Variants in ZNF277 observed in about 807,000 individuals in gnomAD.
ZNF277 encodes the protein zinc finger protein 277.
In ZNF277, 55 loss-of-function variants were observed where a neutral mutation model predicts 60.7. The ratio of observed to expected loss-of-function variants is 0.91; its 90% confidence interval spans 0.73 to 1.13. ZNF277 has a LOEUF of 1.13. Among genes scored for constraint, ZNF277 ranks in the 50% most tolerant of loss-of-function variants. The pLI, the probability that ZNF277 is intolerant of heterozygous loss-of-function variation, is 0.00. For synonymous variants in ZNF277, 178 were observed against 179.3 expected (o/e 0.99, Z 0.06); for missense variants, 510 against 523.0 (o/e 0.98, Z 0.24).
At chr7:112,308,603 A>C (rs961539131) in intron 4 of ZNF277, among the ~76,000 whole-genome samples, 6 of 152,028 alleles carry the variant, frequency 3.9e-5, no homozygotes, top group African/African-American at 2.4e-5. Context: ...GCGGATGAGG[A>C]TTAGTGGACT....
chr7:112,300,537 T>C (rs1343041671), intron 4 of ZNF277, among the ~76,000 whole-genome samples: 1 of 152,204 alleles, frequency 6.6e-6, no homozygotes, highest in Non-Finnish European at 1.5e-5. Flanking sequence ...CATGCACATC[T>C]GTATAACTAC....
At chr7:112,211,300 A>G (rs940181492) in intron 1 of ZNF277, among the ~76,000 whole-genome samples, 3 of 152,226 alleles carry the variant, frequency 2.0e-5, no homozygotes, top group African/African-American at 4.8e-5. Flanking sequence ...CAGGTACTGA[A>G]TTTGATCAGT....
At chr7:112,310,495 G>A (rs1792706288) in intron 4 of ZNF277, among the ~76,000 whole-genome samples, 1 of 151,586 alleles carries the variant, frequency 6.6e-6, no homozygotes, top group African/African-American at 2.4e-5. Flanking sequence ...GTGTGTGTAT[G>A]TATTTTATTT....
At chr7:112,342,525 G>C in intron 11 of ZNF277, 36 bp from the exon 12 acceptor site, 1 of 1,511,274 alleles carries the variant, frequency 6.6e-7, no homozygotes, top group Admixed American at 2.0e-5. Context: ...GTATTAGCTT[G>C]GTAATTTAAT....
intron 2 of ZNF277, 191 bp downstream of exon 2, chr7:112,287,265 C>CTT: frequency 1.7e-6 from 1 of 593,208 alleles, no homozygotes; most frequent in South Asian, 2.1e-5. Context: ...GTTCCAGCTA[C>CTT]TTGGGAGGTT....
intron 1 of ZNF277, among the ~76,000 whole-genome samples, chr7:112,208,914 C>T (rs919234415): frequency 6.6e-6 from 1 of 152,016 alleles, no homozygotes; most frequent in African/African-American, 2.4e-5. Context: ...CTGCTGACCT[C>T]GTGATCCGCC....
intron 4 of ZNF277, among the ~76,000 whole-genome samples, chr7:112,311,309 T>C (rs1224632782): frequency 2.0e-5 from 3 of 152,162 alleles, no homozygotes; most frequent in Admixed American, 6.6e-5. Flanking sequence ...GAAAAACATA[T>C]ATAGCTTATT....
At chr7:112,209,017 A>G (rs1207211982) in intron 1 of ZNF277, among the ~76,000 whole-genome samples, 2 of 152,170 alleles carry the variant, frequency 1.3e-5, no homozygotes, top group South Asian at 2.1e-4. Flanking sequence ...ATAAATCTAT[A>G]TAAACTGAAA....
At chr7:112,301,037 T>C (rs1792459686) in intron 4 of ZNF277, among the ~76,000 whole-genome samples, 1 of 152,128 alleles carries the variant, frequency 6.6e-6, no homozygotes, top group Admixed American at 6.6e-5. Context: ...TATTAATTGA[T>C]TAATAGTAAC....
intron 11 of ZNF277, among the ~76,000 whole-genome samples, chr7:112,342,051 C>T (rs1247254667): frequency 6.6e-6 from 1 of 152,050 alleles, no homozygotes; most frequent in Non-Finnish European, 1.5e-5. Context: ...AAACAAAACA[C>T]AAGGAAGAGC....
chr7:112,328,575 G>GA (rs964952734), intron 6 of ZNF277, among the ~76,000 whole-genome samples: 8 of 150,672 alleles, frequency 5.3e-5, no homozygotes, highest in African/African-American at 1.9e-4. Context: ...CAACAACATA[G>GA]AAAAAAAAAT....
chr7:112,331,195 G>T (rs1793223467), intron 7 of ZNF277, among the ~76,000 whole-genome samples: 1 of 152,150 alleles, frequency 6.6e-6, no homozygotes, highest in Non-Finnish European at 1.5e-5. Context: ...AGACAGTGGG[G>T]GATGGGGAGA....
intron 1 of ZNF277, among the ~76,000 whole-genome samples, chr7:112,240,115 T>A (rs4730516): frequency 0.21 from 32,232 of 151,762 alleles, 4,003 homozygotes; most frequent in African/African-American, 0.35. Flanking sequence ...CAGATAAAAA[T>A]TGAAATGCCA....
Position 112,296,228 on chromosome 7 carries a change from G to A in ZNF277, c.383-1G>A. On this transcript the variant is annotated splice_acceptor_variant, in intron 3 of 11. Transcript: ENST00000361822. LOFTEE classifies it high-confidence loss of function. ...TATTTGTTTTCCTAATCTCTCAACA[G>A]AAGAACAAGAGAATTATTTTTTGTT... is the stretch of plus-strand genomic sequence containing the variant. The A allele has an allele frequency of 1.3e-6, 2 of 1,559,470 alleles. No homozygotes were observed. Among genetic ancestry groups the A allele is most frequent in the Non-Finnish European group, 1.7e-6 (2 of 1,145,634 alleles).
At chr7:112,315,367 G>T (rs979834466) in intron 4 of ZNF277, among the ~76,000 whole-genome samples, 5 of 152,086 alleles carry the variant, frequency 3.3e-5, no homozygotes, top group Admixed American at 2.6e-4. Flanking sequence ...CTAATGTAGA[G>T]GAGGTGTAGA....
intron 1 of ZNF277, among the ~76,000 whole-genome samples, chr7:112,274,041 AG>A (rs1791739200): frequency 7.6e-6 from 1 of 131,962 alleles, no homozygotes; most frequent in Admixed American, 7.1e-5. Context: ...ATATAGTATG[AG>A]ATATATATAT....
chr7:112,234,429 C>T (rs991201065), intron 1 of ZNF277, among the ~76,000 whole-genome samples: 3 of 152,112 alleles, frequency 2.0e-5, no homozygotes, highest in African/African-American at 7.2e-5. Flanking sequence ...GACAAGGCAG[C>T]TCTATGGGGA....
intron 11 of ZNF277, 102 bp downstream of exon 11, chr7:112,341,148 T>C (rs1159067265): frequency 1.7e-6 from 2 of 1,149,000 alleles, no homozygotes; most frequent in Non-Finnish European, 2.4e-6. Context: ...GAATACATAT[T>C]TATTATAAAA....
chr7:112,274,115 T>A (rs1455975714), intron 1 of ZNF277, among the ~76,000 whole-genome samples: 4 of 151,352 alleles, frequency 2.6e-5, no homozygotes, highest in African/African-American at 9.7e-5. Context: ...TTTAAATGAG[T>A]GGTTATATGG....
Sources: allele counts gnomAD v4.1 joint callset (sites outside exome capture counted in the v4.1 genomes callset), GRCh38; gene constraint gnomAD v4.1.1; transcripts MANE v1.5; gene names NCBI Gene and HGNC (gene_info 2026-07-23, HGNC 2026-07-21).